The following ME2 variants were observed in gnomAD, a reference collection of about 807,000 sequenced individuals.
ME2 encodes NAD-dependent malic enzyme, mitochondrial.
Under a neutral mutation model 73.7 loss-of-function variants are expected in ME2, and 60 were observed. The observed-to-expected ratio is 0.81, with a 90% confidence interval of 0.66 to 1.01. ME2 has a LOEUF of 1.01. ME2 is among the 50% of genes least tolerant of loss of function. The pLI, the probability that ME2 is intolerant of heterozygous loss-of-function variation, is 0.00. For synonymous variants in ME2, 199 were observed against 236.9 expected (o/e 0.84, Z 1.47); for missense variants, 594 against 705.5 (o/e 0.84, Z 1.79).
intron 12 of ME2, among the ~76,000 whole-genome samples, chr18:50,926,563 T>C (rs745439559): frequency 1.4e-4 from 21 of 152,316 alleles, no homozygotes; most frequent in Non-Finnish European, 3.1e-4. Flanking sequence ...TTTTGTTTTT[T>C]CTGTTTTGAA....
chr18:50,888,456 GGCT>G, intron 1 of ME2, among the ~76,000 whole-genome samples: 1 of 152,050 alleles, frequency 6.6e-6, no homozygotes, highest in Admixed American at 6.6e-5. Context: ...CAGAACCAAA[GGCT>G]TAGAGGCTGA....
intron 12 of ME2, among the ~76,000 whole-genome samples, chr18:50,928,480 C>T (rs1258971597): frequency 1.3e-5 from 2 of 151,886 alleles, no homozygotes; most frequent in Non-Finnish European, 2.9e-5. Flanking sequence ...CCTTGTGATC[C>T]GCCCGCCTCG....
intron 13 of ME2, among the ~76,000 whole-genome samples, chr18:50,936,558 C>T (rs1318031665): frequency 6.6e-6 from 1 of 152,112 alleles, no homozygotes; most frequent in African/African-American, 2.4e-5. Flanking sequence ...AAATGCACAA[C>T]AACAATAGCT....
intron 14 of ME2, 194 bp from the exon 15 acceptor site, chr18:50,940,094 T>C: frequency 1.8e-6 from 1 of 551,942 alleles, no homozygotes; most frequent in Non-Finnish European, 3.2e-6. Context: ...AATCAATAAG[T>C]CTTTAAATCT....
intron 4 of ME2, among the ~76,000 whole-genome samples, chr18:50,913,824 A>G (rs991165961): frequency 6.1e-5 from 9 of 147,340 alleles, no homozygotes; most frequent in Non-Finnish European, 1.0e-4. Context: ...GGAGAAACCA[A>G]TGTGACAGTT....
intron 1 of ME2, among the ~76,000 whole-genome samples, chr18:50,890,903 C>T (rs1916593129): frequency 6.6e-6 from 1 of 152,184 alleles, no homozygotes. Flanking sequence ...CCAGGAGGCA[C>T]TGCTGGACCA....
chr18:50,895,965 T>C, intron 2 of ME2, 37 bp downstream of exon 2: 3 of 1,397,184 alleles, frequency 2.1e-6, no homozygotes, highest in Non-Finnish European at 3.0e-6. Flanking sequence ...TTTTCTCTCT[T>C]CTTATTAAAG....
At chr18:50,920,977 C>G in intron 9 of ME2, 97 bp from the exon 10 acceptor site, 1 of 714,758 alleles carries the variant, frequency 1.4e-6, no homozygotes, top group African/African-American at 1.9e-5. Flanking sequence ...GAAAAATAAA[C>G]CAAATATTTC....
At chr18:50,893,263 T>A (rs1208031501) in intron 1 of ME2, among the ~76,000 whole-genome samples, 1 of 152,072 alleles carries the variant, frequency 6.6e-6, no homozygotes, top group African/African-American at 2.4e-5. Flanking sequence ...ATTTTGAACT[T>A]AAAGCATCAA....
chr18:50,922,509 A>G (rs549625292), intron 10 of ME2, among the ~76,000 whole-genome samples: 1 of 152,314 alleles, frequency 6.6e-6, no homozygotes, highest in South Asian at 2.1e-4. Flanking sequence ...TTAGAAGGCT[A>G]TTGGGGGATG....
chr18:50,917,299 A>C, intron 5 of ME2, 48 bp from the exon 6 acceptor site: 1 of 1,483,466 alleles, frequency 6.7e-7, no homozygotes, highest in Non-Finnish European at 9.3e-7. Flanking sequence ...GCTTTTCTTT[A>C]GTGCCCCATT....
intron 9 of ME2, 53 bp downstream of exon 9, chr18:50,920,811 G>T: frequency 7.5e-7 from 1 of 1,341,010 alleles, no homozygotes; most frequent in South Asian, 1.3e-5. Flanking sequence ...TATAGAATTA[G>T]AAAATGGGCA....
intron 1 of ME2, among the ~76,000 whole-genome samples, chr18:50,886,826 C>A (rs1467811470): frequency 6.6e-6 from 1 of 151,950 alleles, no homozygotes; most frequent in Non-Finnish European, 1.5e-5. Flanking sequence ...CATAGAGAGA[C>A]CCCGTCTCTA....
At chr18:50,918,610 C>G (rs772226877) in intron 7 of ME2, among the ~76,000 whole-genome samples, 2 of 152,146 alleles carry the variant, frequency 1.3e-5, no homozygotes, top group African/African-American at 4.8e-5. Flanking sequence ...GCACCGTCAA[C>G]TCAGGTTTTC....
intron 2 of ME2, among the ~76,000 whole-genome samples, chr18:50,902,537 A>G (rs922678367): frequency 2.0e-5 from 3 of 152,178 alleles, no homozygotes; most frequent in African/African-American, 7.2e-5. Flanking sequence ...AGCTGGGATT[A>G]CAGGCATGTG....
At chr18:50,941,808 G>T (rs535594822) in intron 15 of ME2, among the ~76,000 whole-genome samples, 1 of 151,570 alleles carries the variant, frequency 6.6e-6, no homozygotes, top group Non-Finnish European at 1.5e-5. Context: ...GCAGCAATTA[G>T]ATATGAGTGT....
chr18:50,926,569 T>G (rs1008315132), intron 12 of ME2, among the ~76,000 whole-genome samples: 2 of 152,178 alleles, frequency 1.3e-5, no homozygotes, highest in African/African-American at 4.8e-5. Flanking sequence ...TTTTTCTGTT[T>G]TGAAAAAATA....
At chr18:50,892,795 A>G (rs1478162951) in intron 1 of ME2, among the ~76,000 whole-genome samples, 2 of 152,300 alleles carry the variant, frequency 1.3e-5, no homozygotes, top group African/African-American at 2.4e-5. Flanking sequence ...AAGAAAAACA[A>G]TTCAGTGGAG....
At chr18:50,918,244 C>A in intron 7 of ME2, 31 bp downstream of exon 7, 1 of 1,458,014 alleles carries the variant, frequency 6.9e-7, no homozygotes, top group Non-Finnish European at 9.6e-7. Context: ...TATATGAAAG[C>A]ACCTTTAATG....
Sources: allele counts gnomAD v4.1 joint callset (sites outside exome capture counted in the v4.1 genomes callset), GRCh38; gene constraint gnomAD v4.1.1; transcripts MANE v1.5; gene names NCBI Gene and HGNC (gene_info 2026-07-23, HGNC 2026-07-21).